The following MYO16 variants were observed in gnomAD, a reference collection of about 807,000 sequenced individuals.
MYO16 encodes the protein myosin XVI.
A neutral mutation model predicts 205.3 loss-of-function variants in MYO16; 94 were observed. That is an observed-to-expected ratio of 0.46 (90% CI 0.39 to 0.54). MYO16 has a LOEUF of 0.54. Ranked by LOEUF, MYO16 falls within the 20% of genes least tolerant of loss-of-function variation. MYO16 has a pLI of 0.00. For missense variants in MYO16, 2,315 were observed against 2,387.5 expected (o/e 0.97, Z 0.63); for synonymous variants, 988 against 954.0 (o/e 1.04, Z -0.66).
chr13:108,530,328 A>G, the MYO16 span, among the ~76,000 whole-genome samples: 91 of 152,332 alleles, frequency 6.0e-4, no homozygotes, highest in African/African-American at 2.1e-3. Flanking sequence ...ATGAGAGACT[A>G]AAAGGATAAA....
chr13:108,533,708 C>A, the MYO16 span, among the ~76,000 whole-genome samples: 1 of 152,084 alleles, frequency 6.6e-6, no homozygotes, highest in Admixed American at 6.5e-5. Flanking sequence ...ATAAGCACAG[C>A]AAATATGTAT....
chr13:109,042,097 C>T (rs1886902919), intron 23 of MYO16, among the ~76,000 whole-genome samples: 1 of 152,110 alleles, frequency 6.6e-6, no homozygotes, highest in East Asian at 1.9e-4. Context: ...CTCTTGACCT[C>T]AAGTGATCCA....
chr13:108,980,182 T>G (rs1427380416), intron 20 of MYO16, among the ~76,000 whole-genome samples: 1 of 152,190 alleles, frequency 6.6e-6, no homozygotes, highest in Non-Finnish European at 1.5e-5. Context: ...CCACATAGTT[T>G]TAATAATAAA....
At chr13:108,957,657 C>A in intron 16 of MYO16, 31 bp from the exon 17 acceptor site, 1 of 1,483,278 alleles carries the variant, frequency 6.7e-7, no homozygotes, top group Non-Finnish European at 9.4e-7. Context: ...GGAAGCCAGG[C>A]GATAACGTTA....
the MYO16 span, among the ~76,000 whole-genome samples, chr13:108,589,350 A>G: frequency 2.0e-5 from 3 of 152,150 alleles, no homozygotes; most frequent in South Asian, 6.2e-4. Context: ...AACTTCTCAT[A>G]TTTTATTGTG....
intron 20 of MYO16, among the ~76,000 whole-genome samples, chr13:108,984,445 G>T (rs1267251502): frequency 1.3e-5 from 2 of 152,288 alleles, no homozygotes; most frequent in East Asian, 1.9e-4. Context: ...CTCTTGCAGG[G>T]TAGCATGTGC....
the MYO16 span, among the ~76,000 whole-genome samples, chr13:108,537,816 T>C: frequency 6.6e-6 from 1 of 152,120 alleles, no homozygotes; most frequent in East Asian, 1.9e-4. Flanking sequence ...TTTTGAGAAA[T>C]GTCTGTTCAT....
At chr13:108,770,820 G>A (rs1187648443) in intron 4 of MYO16, among the ~76,000 whole-genome samples, 3 of 152,064 alleles carry the variant, frequency 2.0e-5, no homozygotes, top group Non-Finnish European at 4.4e-5. Context: ...CTACACATTC[G>A]AATGTGGTGA....
At chr13:108,785,765 C>G (rs1420766241) in intron 5 of MYO16, 22 bp downstream of exon 5, 1 of 1,445,632 alleles carries the variant, frequency 6.9e-7, no homozygotes, top group Non-Finnish European at 9.6e-7. Context: ...CTTTTAAAAC[C>G]ATAGAAAAAA....
At chr13:108,679,562 T>C (rs1480436360) in intron 2 of MYO16, among the ~76,000 whole-genome samples, 1 of 152,038 alleles carries the variant, frequency 6.6e-6, no homozygotes, top group East Asian at 1.9e-4. Context: ...GTCCCCACTG[T>C]CATGACCTGG....
Position 109,153,651 on chromosome 13 carries a change from T to G in MYO16, c.5165-11250T>G, listed in dbSNP as rs536503489. On this transcript the variant is annotated intron_variant, in intron 32 of 34. Coordinates refer to ENST00000457511, the MANE Select transcript of MYO16 (RefSeq NM_001198950.3). ...GTGTGGGCCTGTAGTCCCAGCTACT[T>G]GGGAGGCTAAGGCAGGAGAATCACT... Among the ~76,000 whole-genome samples, 3 of 152,158 alleles carry G rather than the reference T, an allele frequency of 2.0e-5. No homozygotes were observed. In the South Asian group the frequency reaches 6.2e-4, roughly 32 times the overall value.
chr13:108,811,558 A>G (rs956269712), intron 7 of MYO16, among the ~76,000 whole-genome samples: 3 of 149,774 alleles, frequency 2.0e-5, no homozygotes, highest in African/African-American at 7.3e-5. Flanking sequence ...AAAAAAAAAA[A>G]CCATCATCTT....
intron 23 of MYO16, among the ~76,000 whole-genome samples, chr13:109,036,459 T>C (rs1275247199): frequency 6.6e-6 from 1 of 152,182 alleles, no homozygotes; most frequent in Non-Finnish European, 1.5e-5. Flanking sequence ...TATCTTTTAA[T>C]TGTATTTATT....
At chr13:109,079,490 T>C (rs1888216356) in intron 27 of MYO16, among the ~76,000 whole-genome samples, 1 of 152,142 alleles carries the variant, frequency 6.6e-6, no homozygotes, top group African/African-American at 2.4e-5. Flanking sequence ...TGGAGGTCAT[T>C]ATCCTAAGCG....
At chr13:109,200,246 T>TA (rs1465411664) in intron 34 of MYO16, among the ~76,000 whole-genome samples, 8 of 152,210 alleles carry the variant, frequency 5.3e-5, no homozygotes, top group Non-Finnish European at 1.0e-4. Context: ...GGTTTTATTT[T>TA]AAATCAAGAT....
rs557218218 is a variant in MYO16, at chr13:108,690,776, G to A, written c.293-21885G>A. Among the ~76,000 whole-genome samples the A allele has an allele frequency of 2.6e-5, 4 of 152,096 alleles. No individual in the cohort carries two copies. The East Asian group carries it at 7.8e-4, about 30-fold the overall frequency. ...GACAATGTTACTGAAAAAAGTATAAGAATTTTCTTGTAATTATTTTGTTTC... is the reference window on the plus strand; with the variant it reads ...GACAATGTTACTGAAAAAAGTATAAAAATTTTCTTGTAATTATTTTGTTTC... On this transcript the variant is annotated intron_variant, in intron 2 of 34. Transcript: ENST00000457511.
At chr13:108,913,460 T>TA (rs1229743973) in intron 16 of MYO16, among the ~76,000 whole-genome samples, 16 of 152,230 alleles carry the variant, frequency 1.1e-4, no homozygotes, top group South Asian at 2.1e-4. Flanking sequence ...TCATATTTGT[T>TA]TAATGTTTAA....
At chr13:108,747,225 T>C (rs577982817) in intron 4 of MYO16, among the ~76,000 whole-genome samples, 3 of 152,266 alleles carry the variant, frequency 2.0e-5, no homozygotes, top group East Asian at 1.9e-4. Context: ...ACATGAAGAA[T>C]AGAGAACATT....
intron 1 of MYO16, among the ~76,000 whole-genome samples, chr13:108,604,152 A>G (rs1878866460): frequency 6.6e-6 from 1 of 151,898 alleles, no homozygotes; most frequent in African/African-American, 2.4e-5. Context: ...TGGGGAAACT[A>G]CCCCCATGAT....
Sources: allele counts gnomAD v4.1 joint callset (sites outside exome capture counted in the v4.1 genomes callset), GRCh38; gene constraint gnomAD v4.1.1; transcripts MANE v1.5; gene names NCBI Gene and HGNC (gene_info 2026-07-23, HGNC 2026-07-21).